FCHSD2: variants seen among roughly 807,000 people sequenced by gnomAD.
The protein encoded by FCHSD2 is FCH and double SH3 domains 2.
FCHSD2 carries 38 observed loss-of-function variants against 108.1 expected under a neutral mutation model. That is an observed-to-expected ratio of 0.35 (90% CI 0.27 to 0.46). FCHSD2 has a LOEUF of 0.46. Among genes scored for constraint, FCHSD2 ranks in the 20% least tolerant of loss-of-function variants. The probability of loss-of-function intolerance (pLI) is 1.00; values close to 1 mark genes in which losing one functional copy is unlikely to be tolerated. For synonymous variants in FCHSD2, 279 were observed against 314.7 expected, an observed-to-expected ratio of 0.89 and a Z score of 1.20; for missense variants, 751 against 897.8, an observed-to-expected ratio of 0.84 and a Z score of 2.09.
chr11:72,928,039 G>A (rs533610344), intron 8 of FCHSD2, among the ~76,000 whole-genome samples: 1 of 152,260 alleles, frequency 6.6e-6, no homozygotes, highest in Admixed American at 6.5e-5. Context: ...TGAAGATAAA[G>A]GATAAAGGTA....
intron 8 of FCHSD2, among the ~76,000 whole-genome samples, chr11:72,929,081 C>T (rs1184104821): frequency 6.6e-6 from 1 of 152,148 alleles, no homozygotes; most frequent in Admixed American, 6.5e-5. Flanking sequence ...GATAGTATTC[C>T]ATGGTGTATA....
chr11:73,027,825 C>A (rs1858264027), intron 3 of FCHSD2, among the ~76,000 whole-genome samples: 1 of 152,250 alleles, frequency 6.6e-6, no homozygotes, highest in Non-Finnish European at 1.5e-5. Flanking sequence ...TGCTCCAGCT[C>A]CAGCCGTGGC....
rs757950210 is a variant in FCHSD2 at position 73,141,896 on chromosome 11, A to G, written c.-19T>C. The G allele has an allele frequency of 2.6e-6, 4 of 1,542,464 alleles. No individual in the cohort carries two copies. Among genetic ancestry groups the G allele is most frequent in the South Asian group, 1.2e-5 (1 of 83,796 alleles). On this transcript the variant is annotated 5_prime_UTR_variant, in exon 1 of 20. Transcript: ENST00000409418. ...GCTGCATGATGCTGAAGGGACATCAATCCTCCCCGACGGCAGCGTTAGCAA... is the reference window on the plus strand; with the variant it reads ...GCTGCATGATGCTGAAGGGACATCAGTCCTCCCCGACGGCAGCGTTAGCAA...
rs1343737641 is a variant in FCHSD2, at chr11:73,045,992, T to A, written c.166-30107A>T. Among the ~76,000 whole-genome samples, 31 of 150,594 alleles carry A rather than the reference T, an allele frequency of 2.1e-4. No homozygotes were observed. In the Middle Eastern group the frequency reaches 0.01, roughly 50 times the overall value. ...ATTTCTACAATAATTTCAGTAATTT[T>A]TTTTTTTTTTTTTTTAGAGACAGGG... On this transcript the variant is annotated intron_variant, in intron 3 of 19. Transcript: ENST00000409418.
At chr11:72,909,288 C>T (rs973712568) in intron 9 of FCHSD2, among the ~76,000 whole-genome samples, 6 of 152,270 alleles carry the variant, frequency 3.9e-5, no homozygotes, top group South Asian at 2.1e-4. Flanking sequence ...CTGCCCGCCT[C>T]GGCCTCCTGA....
intron 4 of FCHSD2, among the ~76,000 whole-genome samples, chr11:73,014,147 T>TG (rs1471086346): frequency 1.2e-4 from 17 of 140,840 alleles, no homozygotes; most frequent in African/African-American, 3.7e-4. Flanking sequence ...TTTTTTTTTT[T>TG]GGGAGACAGA....
chr11:72,939,317 T>A (rs187398822), intron 8 of FCHSD2, among the ~76,000 whole-genome samples: 92 of 152,198 alleles, frequency 6.0e-4, no homozygotes, highest in African/African-American at 2.2e-3. Flanking sequence ...AACTAAGCAT[T>A]TTTCCCCCAG....
chr11:72,983,167 G>A (rs1445500237), intron 8 of FCHSD2, among the ~76,000 whole-genome samples: 1 of 151,212 alleles, frequency 6.6e-6, no homozygotes, highest in Non-Finnish European at 1.5e-5. Flanking sequence ...AGTGGCGGGC[G>A]CCTGTAGTCC....
At chr11:72,924,472 CG>C (rs1187084941) in intron 8 of FCHSD2, among the ~76,000 whole-genome samples, 3 of 147,878 alleles carry the variant, frequency 2.0e-5, no homozygotes, top group African/African-American at 7.5e-5. Context: ...TCAGTAGAGA[CG>C]GGGTTTCACC....
At chr11:73,120,841 A>T (rs1860716350) in intron 2 of FCHSD2, among the ~76,000 whole-genome samples, 2 of 152,054 alleles carry the variant, frequency 1.3e-5, no homozygotes, top group Admixed American at 6.6e-5. Context: ...CAAAAAAAAA[A>T]AAAAAATAGA....
At chr11:73,001,989 TAAC>T (rs1237799193) in intron 4 of FCHSD2, among the ~76,000 whole-genome samples, 1 of 152,220 alleles carries the variant, frequency 6.6e-6, no homozygotes, top group African/African-American at 2.4e-5. Context: ...CGATAATTTA[TAAC>T]AATGGCAATG....
At chr11:73,077,481 G>C (rs1591535418) in intron 3 of FCHSD2, 1 of 327,866 alleles carries the variant, frequency 3.1e-6, no homozygotes, top group Non-Finnish European at 5.9e-6. Context: ...TTGGAATACA[G>C]TTTGGCAGTT....
intron 3 of FCHSD2, among the ~76,000 whole-genome samples, chr11:73,052,415 TA>T (rs1197741044): frequency 1.3e-5 from 2 of 151,996 alleles, no homozygotes; most frequent in African/African-American, 4.8e-5. Flanking sequence ...ATTTTTTTTT[TA>T]AAAAAAGACA....
intron 12 of FCHSD2, among the ~76,000 whole-genome samples, chr11:72,879,754 G>A (rs1292694529): frequency 6.6e-6 from 1 of 152,118 alleles, no homozygotes; most frequent in African/African-American, 2.4e-5. Context: ...TGTGTGGAAT[G>A]AGCTTTGCAT....
chr11:72,937,933 G>A (rs756340004), intron 8 of FCHSD2, among the ~76,000 whole-genome samples: 84 of 152,306 alleles, frequency 5.5e-4, no homozygotes, highest in Admixed American at 2.0e-3. Context: ...GACTGATGTA[G>A]CTGTTAATAT....
At chr11:73,015,189 T>G (rs979961561) in intron 4 of FCHSD2, among the ~76,000 whole-genome samples, 2 of 152,214 alleles carry the variant, frequency 1.3e-5, no homozygotes, top group South Asian at 4.1e-4. Flanking sequence ...AAGATATCAG[T>G]AGGTCACTGA....
intron 2 of FCHSD2, among the ~76,000 whole-genome samples, chr11:73,128,592 G>A (rs1860914962): frequency 6.6e-6 from 1 of 152,168 alleles, no homozygotes. Context: ...GGGAAGGAGG[G>A]AGAAAGGTAG....
chr11:72,995,577 A>G (rs1857504845), intron 5 of FCHSD2, among the ~76,000 whole-genome samples: 1 of 151,882 alleles, frequency 6.6e-6, no homozygotes, highest in African/African-American at 2.4e-5. Context: ...GGTGGCAAGC[A>G]CCTGTAGTCC....
intron 2 of FCHSD2, among the ~76,000 whole-genome samples, chr11:73,130,735 G>A (rs1376925668): frequency 6.6e-6 from 1 of 152,126 alleles, no homozygotes; most frequent in Admixed American, 6.5e-5. Flanking sequence ...TTCCTTCTCT[G>A]CCTAGTTAGC....
Sources: allele counts gnomAD v4.1 joint callset (sites outside exome capture counted in the v4.1 genomes callset), GRCh38; gene constraint gnomAD v4.1.1; transcripts MANE v1.5; gene names NCBI Gene and HGNC (gene_info 2026-07-23, HGNC 2026-07-21).